RELN: variants seen among roughly 807,000 people sequenced by gnomAD.
RELN encodes the protein reelin.
In RELN, 108 loss-of-function variants were observed where a neutral mutation model predicts 427.6. That is an observed-to-expected ratio of 0.25 (90% confidence interval 0.22 to 0.30). RELN has a LOEUF of 0.30. RELN is among the 10% of genes least tolerant of loss of function. The pLI is 1.00. For missense variants in RELN, 3,715 were observed against 4,302.8 expected (o/e 0.86, Z 3.82); for synonymous variants, 1,524 against 1,513.4 (o/e 1.01, Z -0.16).
Position 103,483,753 on chromosome 7 carries a change from G to A in RELN, c.10081C>T (p.Leu3361=). 1 of 1,614,128 alleles carries A rather than the reference G, an allele frequency of 6.2e-7. No individual in the cohort carries two copies. Among genetic ancestry groups the A allele is most frequent in the South Asian group, 1.1e-5 (1 of 91,084 alleles). The change falls in exon 62 of 65, where the codon CTG becomes TTG. Residue 3361 remains leucine, a synonymous_variant. Coordinates refer to ENST00000428762, the MANE Select transcript of RELN (RefSeq NM_005045.4). ...GPHAVDKAVL[L]QYSVNNGITW... Reference sequence around the variant, plus strand: ...ATCCCGTTGTTGACGCTGTATTGCAGCAGCACTGCCTTGTCCACAGCGTGG... The same window carrying A: ...ATCCCGTTGTTGACGCTGTATTGCAACAGCACTGCCTTGTCCACAGCGTGG...
intron 46 of RELN, among the ~76,000 whole-genome samples, chr7:103,527,374 C>T (rs1173601344): frequency 2.6e-5 from 4 of 152,202 alleles, no homozygotes; most frequent in Non-Finnish European, 5.9e-5. Context: ...ACGACGATGA[C>T]GCCCAGTGAC....
chr7:103,949,731 CTTTCA>C (rs1424830829), intron 1 of RELN, among the ~76,000 whole-genome samples: 1 of 152,142 alleles, frequency 6.6e-6, no homozygotes, highest in African/African-American at 2.4e-5. Context: ...ACAACCCTTC[CTTTCA>C]TAATTGGTAG....
intron 11 of RELN, among the ~76,000 whole-genome samples, chr7:103,675,986 T>C (rs532718184): frequency 1.2e-4 from 19 of 152,252 alleles, no homozygotes; most frequent in African/African-American, 4.3e-4. Flanking sequence ...GGGCAAGGAC[T>C]TCATGTCTAA....
chr7:103,584,608 T>A (rs1474368842), intron 28 of RELN, among the ~76,000 whole-genome samples: 1 of 152,014 alleles, frequency 6.6e-6, no homozygotes, highest in African/African-American at 2.4e-5. Flanking sequence ...AGCAACATAA[T>A]AATATCGGTA....
At chr7:103,635,315 G>C (rs183526228) in intron 19 of RELN, 110 bp downstream of exon 19, 1 of 1,167,420 alleles carries the variant, frequency 8.6e-7, no homozygotes, top group Non-Finnish European at 1.2e-6. Flanking sequence ...ATCTTTGTGC[G>C]CTCCATCTGT....
intron 10 of RELN, among the ~76,000 whole-genome samples, chr7:103,696,576 A>G (rs761149065): frequency 3.3e-5 from 5 of 152,046 alleles, no homozygotes; most frequent in Non-Finnish European, 5.9e-5. Flanking sequence ...CCTGACATCT[A>G]TCATTCCTTC....
At chr7:103,511,558 G>A (rs1372230570) in intron 50 of RELN, among the ~76,000 whole-genome samples, 1 of 151,538 alleles carries the variant, frequency 6.6e-6, no homozygotes, top group Middle Eastern at 3.2e-3. Flanking sequence ...AGATATAACT[G>A]ATATACAAAA....
chr7:103,696,427 A>C (rs1833977513), intron 10 of RELN, among the ~76,000 whole-genome samples: 1 of 152,068 alleles, frequency 6.6e-6, no homozygotes, highest in Non-Finnish European at 1.5e-5. Context: ...CTCCCACCAA[A>C]TAGTTCTTCT....
chr7:103,940,897 C>A (rs1261145369), intron 1 of RELN, among the ~76,000 whole-genome samples: 1 of 152,086 alleles, frequency 6.6e-6, no homozygotes, highest in African/African-American at 2.4e-5. Context: ...TATGCTTTTG[C>A]CTGCTTTCTA....
At chr7:103,838,547 C>T (rs558448468) in intron 2 of RELN, among the ~76,000 whole-genome samples, 4 of 152,088 alleles carry the variant, frequency 2.6e-5, no homozygotes, top group Non-Finnish European at 5.9e-5. Context: ...AGGAAAATCA[C>T]AGAGTGCCCA....
chr7:103,635,120 A>T (rs979243350), intron 19 of RELN, among the ~76,000 whole-genome samples: 1 of 152,080 alleles, frequency 6.6e-6, no homozygotes, highest in Non-Finnish European at 1.5e-5. Flanking sequence ...CGGCCTCCCA[A>T]ACTGCTGGGA....
At position 103,498,258 on chromosome 7, in the gene RELN, A is replaced by G; in HGVS notation, c.8668-6T>C. 6.2e-7 allele frequency: 1 copy of G among 1,612,986 alleles called. No individual in the cohort carries two copies. The highest frequency in any genetic ancestry group is 2.2e-5 in the East Asian group (1 of 44,866). ...AAGCGTTCCTTCAGGAAAGTCTGGA[A>G]ATAAAATAAGCCAGATGTGGTTAAA... is the stretch of plus-strand genomic sequence containing the variant. On this transcript the variant is annotated splice_polypyrimidine_tract_variant and splice_region_variant and intron_variant, in intron 53 of 64. Transcript: ENST00000428762.
chr7:103,488,977 T>C (rs1828546030), intron 60 of RELN, among the ~76,000 whole-genome samples: 1 of 152,214 alleles, frequency 6.6e-6, no homozygotes, highest in Non-Finnish European at 1.5e-5. Flanking sequence ...GGTATTAAGC[T>C]ATGAGGATAT....
intron 28 of RELN, among the ~76,000 whole-genome samples, chr7:103,577,161 T>C (rs766644831): frequency 5.9e-5 from 9 of 152,146 alleles, no homozygotes; most frequent in East Asian, 1.9e-4. Flanking sequence ...TTAATGAAGG[T>C]TGTTAAGGAC....
At chr7:103,622,530 G>A (rs769556920) in intron 20 of RELN, among the ~76,000 whole-genome samples, 2 of 152,184 alleles carry the variant, frequency 1.3e-5, no homozygotes, top group Non-Finnish European at 2.9e-5. Context: ...CTGGATTCCT[G>A]TAACACTAGA....
At chr7:103,631,871 G>T (rs1406090039) in intron 19 of RELN, among the ~76,000 whole-genome samples, 1 of 151,788 alleles carries the variant, frequency 6.6e-6, no homozygotes, top group South Asian at 2.1e-4. Context: ...TTAATAATTT[G>T]TTTAGCATTA....
intron 2 of RELN, among the ~76,000 whole-genome samples, chr7:103,868,582 T>C (rs1794255187): frequency 6.6e-6 from 1 of 152,044 alleles, no homozygotes; most frequent in Admixed American, 6.6e-5. Flanking sequence ...TCACCCTCCA[T>C]AATCAGACAG....
intron 1 of RELN, among the ~76,000 whole-genome samples, chr7:103,930,770 A>G (rs1283285026): frequency 6.6e-6 from 1 of 152,044 alleles, no homozygotes; most frequent in East Asian, 1.9e-4. Flanking sequence ...GCCCAGCCCC[A>G]TAACACATCT....
chr7:103,940,789 CAG>C (rs1236035848), intron 1 of RELN, among the ~76,000 whole-genome samples: 3 of 152,174 alleles, frequency 2.0e-5, no homozygotes, highest in Non-Finnish European at 4.4e-5. Context: ...ATAATGGATT[CAG>C]AGAAGAGATA....
Sources: allele counts gnomAD v4.1 joint callset (sites outside exome capture counted in the v4.1 genomes callset), GRCh38; gene constraint gnomAD v4.1.1; transcripts MANE v1.5; gene names NCBI Gene and HGNC (gene_info 2026-07-23, HGNC 2026-07-21).